The following GRIN2A variants were observed in gnomAD, a reference collection of about 807,000 sequenced individuals.
GRIN2A encodes glutamate ionotropic receptor NMDA type subunit 2A, also known as glutamate receptor ionotropic, NMDA 2A.
Under a neutral mutation model 113.4 loss-of-function variants are expected in GRIN2A, and 22 were observed. The ratio of observed to expected loss-of-function variants is 0.19; its 90% CI spans 0.14 to 0.28. GRIN2A has a LOEUF of 0.28. GRIN2A is among the 10% of genes least tolerant of loss of function. GRIN2A has a pLI of 1.00. For synonymous variants in GRIN2A, 827 were observed against 738.4 expected (o/e 1.12, Z -1.94); for missense variants, 1,502 against 1,887.0 (o/e 0.80, Z 3.78).
intron 5 of GRIN2A, among the ~76,000 whole-genome samples, chr16:9,843,354 C>T (rs779277274): frequency 3.3e-5 from 5 of 152,060 alleles, no homozygotes; most frequent in Non-Finnish European, 5.9e-5. Flanking sequence ...TTAAGAGACA[C>T]GCTCTTGCTC....
At chr16:9,960,068 T>C (rs2045405620) in intron 2 of GRIN2A, among the ~76,000 whole-genome samples, 1 of 152,178 alleles carries the variant, frequency 6.6e-6, no homozygotes, top group Non-Finnish European at 1.5e-5. Context: ...ATGATGTGGC[T>C]TCCAGGTTGA....
chr16:9,860,079 C>T (rs1483166662), intron 4 of GRIN2A, among the ~76,000 whole-genome samples: 4 of 151,776 alleles, frequency 2.6e-5, no homozygotes, highest in South Asian at 2.1e-4. Flanking sequence ...AATGCTATGC[C>T]GGGAGCAGGC....
intron 2 of GRIN2A, among the ~76,000 whole-genome samples, chr16:10,167,304 C>A (rs2049945721): frequency 2.0e-5 from 3 of 152,242 alleles, no homozygotes; most frequent in Admixed American, 6.5e-5. Context: ...CCAAAATCAC[C>A]CCAAATTATC....
At chr16:10,112,061 G>A (rs1313637117) in intron 2 of GRIN2A, 1 of 614,310 alleles carries the variant, frequency 1.6e-6, no homozygotes, top group African/African-American at 1.8e-5. Flanking sequence ...CCAACCTGAA[G>A]AAGAATCGAG....
rs148305631 is a variant in GRIN2A, at chr16:9,789,865, G to A, written c.2356+8412C>T. ...ATTTCACAAGCCCCTCCTTGGGGAA[G>A]GCATTAGAGCTACAGTTTGGAAGAG... On this transcript the variant is annotated intron_variant, in intron 11 of 12. Transcript: ENST00000330684. Among the ~76,000 whole-genome samples, 6 of 152,350 alleles carry A rather than the reference G, an allele frequency of 3.9e-5. No homozygotes were observed. The East Asian group carries it at 9.6e-4, about 24-fold the overall frequency.
At chr16:9,793,438 A>G (rs1567301623) in intron 11 of GRIN2A, among the ~76,000 whole-genome samples, 4 of 152,050 alleles carry the variant, frequency 2.6e-5, no homozygotes. Context: ...GACTTATGGG[A>G]TCCCCTGTTC....
At chr16:9,824,417 T>A (rs1596467012) in intron 9 of GRIN2A, among the ~76,000 whole-genome samples, 3 of 152,298 alleles carry the variant, frequency 2.0e-5, no homozygotes, top group African/African-American at 7.2e-5. Context: ...CCATTCCCAA[T>A]CTCCAGAGAT....
intron 2 of GRIN2A, among the ~76,000 whole-genome samples, chr16:10,165,335 C>T (rs1428655887): frequency 6.6e-6 from 1 of 151,608 alleles, no homozygotes; most frequent in African/African-American, 2.4e-5. Flanking sequence ...GGGAAATAAA[C>T]CAAAATGTTA....
intron 4 of GRIN2A, among the ~76,000 whole-genome samples, chr16:9,887,876 T>C (rs1041872683): frequency 6.6e-6 from 1 of 152,132 alleles, no homozygotes; most frequent in African/African-American, 2.4e-5. Context: ...CTGGCCAACA[T>C]GGTGCAACTA....
intron 2 of GRIN2A, among the ~76,000 whole-genome samples, chr16:9,986,965 C>A (rs536038312): frequency 6.6e-6 from 1 of 151,970 alleles, no homozygotes; most frequent in Non-Finnish European, 1.5e-5. Flanking sequence ...TGCATATACC[C>A]GAGTTTCCTT....
intron 2 of GRIN2A, among the ~76,000 whole-genome samples, chr16:10,134,192 C>G (rs1366524741): frequency 1.6e-5 from 1 of 61,238 alleles, no homozygotes; most frequent in Non-Finnish European, 3.0e-5. Flanking sequence ...GACACTGTTT[C>G]CAGAAAAAAA....
intron 9 of GRIN2A, among the ~76,000 whole-genome samples, chr16:9,828,051 G>A (rs1317465275): frequency 6.6e-6 from 1 of 152,164 alleles, no homozygotes. Flanking sequence ...ACAGTAGCCA[G>A]GAAAGACTTC....
chr16:10,127,608 A>G (rs1190890300), intron 2 of GRIN2A, among the ~76,000 whole-genome samples: 1 of 152,176 alleles, frequency 6.6e-6, no homozygotes, highest in Non-Finnish European at 1.5e-5. Flanking sequence ...CTGTCTCCCC[A>G]GCCTTTTTAT....
Position 10,163,841 on chromosome 16 carries a change from G to C in GRIN2A, c.414+16157C>G, listed in dbSNP as rs570323066. ...CTCATTTTACTGCCCCCTGCCACCT[G>C]GGCAATATCCCTTTCCTATCACAAG... On this transcript the variant is annotated intron_variant, in intron 2 of 12. Transcript: ENST00000330684. 7.9e-5 allele frequency among the ~76,000 whole-genome samples: 12 copies of C among 152,294 alleles called. No homozygotes were observed. The South Asian group carries it at 2.5e-3, about 32-fold the overall frequency.
intron 2 of GRIN2A, among the ~76,000 whole-genome samples, chr16:10,082,756 G>A (rs746700356): frequency 1.3e-5 from 2 of 152,164 alleles, no homozygotes; most frequent in Non-Finnish European, 2.9e-5. Flanking sequence ...GTGGTCGGTT[G>A]TTACACAGCA....
At chr16:9,879,134 C>T (rs2043428452) in intron 4 of GRIN2A, among the ~76,000 whole-genome samples, 1 of 152,150 alleles carries the variant, frequency 6.6e-6, no homozygotes, top group Non-Finnish European at 1.5e-5. Context: ...AATTTTCCCT[C>T]TCTATGGCTC....
intron 2 of GRIN2A, among the ~76,000 whole-genome samples, chr16:9,972,932 G>A (rs985802388): frequency 6.6e-6 from 1 of 152,184 alleles, no homozygotes; most frequent in South Asian, 2.1e-4. Context: ...AGTTTTTAAG[G>A]ATAATTTGGT....
chr16:10,055,078 AAAAAAAAGAAAAAAG>A (rs2047428378), intron 2 of GRIN2A, among the ~76,000 whole-genome samples: 1 of 78,676 alleles, frequency 1.3e-5, no homozygotes, highest in East Asian at 7.9e-4. Context: ...AAAAAAAAAA[AAAAAAAAGAAAAAAG>A]AAAGAAAGAA....
At chr16:10,133,079 G>C (rs936053741) in intron 2 of GRIN2A, among the ~76,000 whole-genome samples, 9 of 152,028 alleles carry the variant, frequency 5.9e-5, no homozygotes, top group African/African-American at 1.7e-4. Context: ...ATTATATTGG[G>C]CCCACCAGAT....
Sources: gnomAD v4.1 joint callset for allele counts (sites outside exome capture counted in the v4.1 genomes callset) on GRCh38, gnomAD v4.1.1 for gene constraint, MANE v1.5 for transcripts, NCBI Gene and HGNC (gene_info 2026-07-23, HGNC 2026-07-21) for gene names.